The following FREM2 variants were observed in gnomAD, a reference collection of about 807,000 sequenced individuals.
FREM2 encodes FRAS1 related extracellular matrix 2.
FREM2 carries 119 observed loss-of-function variants against 219.9 expected under a neutral mutation model. That is an observed-to-expected ratio of 0.54 (90% CI 0.47 to 0.63). The LOEUF (loss-of-function observed/expected upper bound fraction) is 0.63, where lower values mean the gene tolerates loss of function less well. Among genes scored for constraint, FREM2 ranks in the 30% least tolerant of loss-of-function variants. The pLI is 0.00. For synonymous variants in FREM2, 1,562 were observed against 1,522.8 expected (o/e 1.03, Z -0.60); for missense variants, 4,030 against 3,993.6 (o/e 1.01, Z -0.25).
At chr13:38,845,918 G>T (rs1422327458) in intron 6 of FREM2, among the ~76,000 whole-genome samples, 1 of 152,098 alleles carries the variant, frequency 6.6e-6, no homozygotes, top group African/African-American at 2.4e-5. Flanking sequence ...TGTGTGTTTA[G>T]AATTAATATT....
chr13:38,792,966 C>T (rs758458473), intron 6 of FREM2, among the ~76,000 whole-genome samples: 5 of 151,962 alleles, frequency 3.3e-5, no homozygotes, highest in Admixed American at 6.6e-5. Flanking sequence ...AATAATGTAC[C>T]GCACAAATTT....
At chr13:38,852,776 C>G (rs1175574790) in intron 11 of FREM2, among the ~76,000 whole-genome samples, 1 of 150,606 alleles carries the variant, frequency 6.6e-6, no homozygotes, top group African/African-American at 2.4e-5. Context: ...GTAATCACAG[C>G]TCACTGCAGT....
chr13:38,721,848 T>C (rs1871279461), intron 2 of FREM2, among the ~76,000 whole-genome samples: 1 of 152,156 alleles, frequency 6.6e-6, no homozygotes. Flanking sequence ...CTCCTGATAA[T>C]ATAATATTTG....
In FREM2 at chr13:38,881,073, T is replaced by A; in HGVS notation, c.*286T>A. On this transcript the variant is annotated 3_prime_UTR_variant, in exon 24 of 24. Coordinates refer to ENST00000280481, the MANE Select transcript of FREM2 (RefSeq NM_207361.6). ...TACTCCTCATTTTAGACATATTCTC[T>A]ATGCAGTGGAGATAAATCTATTAAA... is the stretch of plus-strand genomic sequence containing the variant. 2.1e-6 allele frequency: 1 copy of A among 478,074 alleles called. No homozygotes were observed. The highest frequency in any genetic ancestry group is 3.8e-6 in the Non-Finnish European group (1 of 260,310). 29.6% of individuals were successfully genotyped at this position (478,074 alleles called of 1,614,324 possible).
intron 2 of FREM2, among the ~76,000 whole-genome samples, chr13:38,715,205 G>A (rs757568380): frequency 6.6e-5 from 10 of 152,082 alleles, no homozygotes; most frequent in South Asian, 2.1e-4. Flanking sequence ...TTTGTCAAAT[G>A]GCTTCTATAA....
At position 38,783,195 on chromosome 13, in the gene FREM2, G is replaced by A; in HGVS notation, c.5767G>A (p.Gly1923Arg). 6.2e-7 allele frequency: 1 copy of A among 1,614,038 alleles called. No individual in the cohort carries two copies. Among genetic ancestry groups the A allele is most frequent in the East Asian group, 2.2e-5 (1 of 44,878 alleles). ...GATGGTGGTCTGTTATACCCAACAAGGTAGCTCGATTTGCCGAAAAACTAA... is the reference window on the plus strand; with the variant it reads ...GATGGTGGTCTGTTATACCCAACAAAGTAGCTCGATTTGCCGAAAAACTAA... ...ELMVVCYTQQ[G>R]TATGTVPTSV... is the part of the protein sequence containing the mutation. The change falls in exon 5 of 24, where the codon GGA becomes AGA. Residue 1923 changes from glycine (G) to arginine (R), a missense_variant and splice_region_variant. This residue lies in a region of FREM2 where 3,102 missense variants were observed against 2,950.7 expected (regional missense o/e 1.05). Transcript: ENST00000280481.
intron 6 of FREM2, among the ~76,000 whole-genome samples, chr13:38,786,798 A>T (rs1047233526): frequency 1.3e-5 from 2 of 152,188 alleles, no homozygotes; most frequent in African/African-American, 4.8e-5. Context: ...TGTATCTCTA[A>T]ATCTGCAAAA....
intron 6 of FREM2, among the ~76,000 whole-genome samples, chr13:38,828,105 T>C (rs1207688247): frequency 6.6e-6 from 1 of 152,156 alleles, no homozygotes; most frequent in African/African-American, 2.4e-5. Context: ...CATTTTTGTT[T>C]CATTTTAATT....
chr13:38,801,951 C>T lies in FREM2; in HGVS notation c.6019+17143C>T, dbSNP rs368781527. Among the ~76,000 whole-genome samples the T allele has an allele frequency of 9.1e-4, 138 of 152,296 alleles. 1 individual carries two copies. The highest frequency in any genetic ancestry group is 3.3e-3 in the African/African-American group (137 of 41,556). ...GTGGCTGCAATAGATTGGGCACGCA[C>T]ATATGGGTAGATGTCATCTGTGGTG... is the stretch of plus-strand genomic sequence containing the variant. On this transcript the variant is annotated intron_variant, in intron 6 of 23. Coordinates refer to ENST00000280481, the MANE Select transcript of FREM2 (RefSeq NM_207361.6).
At chr13:38,816,554 T>C (rs1402751840) in intron 6 of FREM2, among the ~76,000 whole-genome samples, 1 of 152,164 alleles carries the variant, frequency 6.6e-6, no homozygotes, top group Non-Finnish European at 1.5e-5. Flanking sequence ...CTCAAGAAAT[T>C]AGATTCACAT....
At chr13:38,727,682 C>G (rs1410586784) in intron 2 of FREM2, among the ~76,000 whole-genome samples, 1 of 152,166 alleles carries the variant, frequency 6.6e-6, no homozygotes, top group Non-Finnish European at 1.5e-5. Context: ...CAATGTGCAC[C>G]AAGTACATTA....
chr13:38,687,615 C>A lies in FREM2; in HGVS notation c.271C>A (p.Pro91Thr), dbSNP rs1243655262. The change falls in exon 1 of 24, where the codon CCC becomes ACC. Residue 91 changes from proline (P) to threonine (T), a missense_variant. Coordinates refer to ENST00000280481, the MANE Select transcript of FREM2 (RefSeq NM_207361.6). Reference protein sequence around the residue: ...VPFGREVWLDPLHDLVLQVQP... With the variant: ...VPFGREVWLDTLHDLVLQVQP... ...TTTCGGCCGTGAAGTCTGGCTGGAT[C>A]CCCTGCATGACCTGGTGTTGCAGGT... is the stretch of plus-strand genomic sequence containing the variant. 3.1e-6 allele frequency: 5 copies of A among 1,609,360 alleles called. No homozygotes were observed. The highest frequency in any genetic ancestry group is 4.2e-6 in the Non-Finnish European group (5 of 1,178,182).
At chr13:38,758,580 T>A (rs1873108562) in intron 2 of FREM2, among the ~76,000 whole-genome samples, 1 of 152,210 alleles carries the variant, frequency 6.6e-6, no homozygotes, top group South Asian at 2.1e-4. Context: ...CAAGTCGGCT[T>A]CAGCTCTGCA....
In FREM2 at chr13:38,837,785, G is replaced by GTTTTTT. The variant is rs1333688816; in HGVS notation, c.6020-8784_6020-8783insTTTTTT. 6.2e-3 allele frequency among the ~76,000 whole-genome samples: 851 copies of GTTTTTT among 137,868 alleles called. 13 individuals carry two copies. The highest frequency in any genetic ancestry group is 0.02 in the African/African-American group (769 of 38,138). 90.4% of individuals were successfully genotyped at this position (137,868 alleles called of 152,430 possible). On this transcript the variant is annotated intron_variant, in intron 6 of 23. Transcript: ENST00000280481. The stretch of plus-strand genomic sequence containing the variant: ...CCCTGGTTTTTTTTTGTTTTGTTTT[G>GTTTTTT]TTTTGTTTTTGCTTTCCATTTGCTT...
intron 7 of FREM2, 84 bp downstream of exon 7, chr13:38,846,806 T>C: frequency 6.9e-7 from 1 of 1,448,458 alleles, no homozygotes; most frequent in South Asian, 1.1e-5. Context: ...CTGAAATACT[T>C]CACTTCTATT....
intron 6 of FREM2, among the ~76,000 whole-genome samples, chr13:38,816,602 A>G (rs577747609): frequency 1.1e-4 from 17 of 152,328 alleles, no homozygotes; most frequent in African/African-American, 3.6e-4. Flanking sequence ...ATATATGACA[A>G]ACACACAGCT....
At chr13:38,695,765 T>A in intron 1 of FREM2, among the ~76,000 whole-genome samples, 1 of 151,982 alleles carries the variant, frequency 6.6e-6, no homozygotes, top group East Asian at 1.9e-4. Context: ...TGTAGGGGCT[T>A]CAGTTCTTAC....
chr13:38,706,726 A>G (rs546470461), intron 2 of FREM2, among the ~76,000 whole-genome samples: 1 of 152,352 alleles, frequency 6.6e-6, no homozygotes, highest in African/African-American at 2.4e-5. Context: ...TTTTGTAAGT[A>G]ATGATTGGGT....
Position 38,690,388 on chromosome 13 carries a change from T to A in FREM2, c.3044T>A (p.Val1015Glu), listed in dbSNP as rs1869774912. 1.9e-6 allele frequency: 3 copies of A among 1,613,858 alleles called. No homozygotes were observed. Among genetic ancestry groups the A allele is most frequent in the Non-Finnish European group, 2.5e-6 (3 of 1,180,030 alleles). The change falls in exon 1 of 24, where the codon GTA becomes GAA. Residue 1015 changes from valine (V) to glutamate (E), a missense_variant. Around this residue, in one of 2 missense-constraint regions of FREM2, gnomAD observed 3,102 missense variants for 2,950.7 expected, o/e 1.05. Coordinates refer to ENST00000280481, the MANE Select transcript of FREM2 (RefSeq NM_207361.6). ...TQRDILEGSV[V>E]YTHTSGEIGL... ...AGGGACATCTTGGAGGGCTCTGTTGTATATACCCACACCAGTGGTGAGATA... is the reference window on the plus strand; with the variant it reads ...AGGGACATCTTGGAGGGCTCTGTTGAATATACCCACACCAGTGGTGAGATA...
Sources: gnomAD v4.1 joint callset for allele counts (sites outside exome capture counted in the v4.1 genomes callset) on GRCh38, gnomAD v4.1.1 for gene constraint, gnomAD v4.1.1 regional missense constraint, MANE v1.5 for transcripts, NCBI Gene and HGNC (gene_info 2026-07-23, HGNC 2026-07-21) for gene names.